BMPR1B: variants seen among roughly 807,000 people sequenced by gnomAD.
The protein encoded by BMPR1B is bone morphogenetic protein receptor type 1B.
Under a neutral mutation model 59.1 loss-of-function variants are expected in BMPR1B, and 12 were observed. The observed-to-expected ratio is 0.20, with a 90% CI of 0.13 to 0.33. BMPR1B has a LOEUF of 0.33. Ranked by LOEUF, BMPR1B falls within the 10% of genes least tolerant of loss-of-function variation. The pLI is 1.00. For missense variants in BMPR1B, 550 were observed against 610.9 expected (o/e 0.90, Z 1.05); for synonymous variants, 237 against 207.3 (o/e 1.14, Z -1.23).
At chr4:94,844,266 A>G (rs534618642) in intron 1 of BMPR1B, among the ~76,000 whole-genome samples, 1 of 91,802 alleles carries the variant, frequency 1.1e-5, no homozygotes, top group East Asian at 2.6e-4. Flanking sequence ...TGAATCTTCT[A>G]GTTCGACTCT....
chr4:95,147,105 T>A (rs992612486), intron 10 of BMPR1B, among the ~76,000 whole-genome samples: 2 of 152,150 alleles, frequency 1.3e-5, no homozygotes, highest in Non-Finnish European at 2.9e-5. Context: ...ACGTCTTAAC[T>A]TTTATTTAAG....
intron 2 of BMPR1B, among the ~76,000 whole-genome samples, chr4:94,881,544 C>T (rs1181320054): frequency 6.6e-6 from 1 of 152,022 alleles, no homozygotes. Context: ...CAGCTCACTG[C>T]AACCTCCACC....
At chr4:95,100,442 G>A (rs1730736372) in intron 3 of BMPR1B, among the ~76,000 whole-genome samples, 1 of 151,686 alleles carries the variant, frequency 6.6e-6, no homozygotes, top group Admixed American at 6.6e-5. Flanking sequence ...TATTTTTTAT[G>A]TCTTTTCTCT....
At chr4:95,152,192 A>T (rs538078881) in intron 11 of BMPR1B, among the ~76,000 whole-genome samples, 12 of 152,310 alleles carry the variant, frequency 7.9e-5, no homozygotes, top group African/African-American at 2.6e-4. Flanking sequence ...AAAAATGTAA[A>T]TCTGACATTT....
intron 3 of BMPR1B, among the ~76,000 whole-genome samples, chr4:95,047,008 G>C (rs1418739711): frequency 6.6e-6 from 1 of 152,178 alleles, no homozygotes. Flanking sequence ...CTGTAGTTAG[G>C]AGATTTGGGA....
At chr4:95,112,420 T>G (rs1731695065) in intron 4 of BMPR1B, among the ~76,000 whole-genome samples, 1 of 152,144 alleles carries the variant, frequency 6.6e-6, no homozygotes, top group Admixed American at 6.6e-5. Flanking sequence ...CTGCGGAACA[T>G]AGCTTTGTTT....
chr4:94,933,921 A>G (rs77175332), intron 2 of BMPR1B, among the ~76,000 whole-genome samples: 1,583 of 152,256 alleles, frequency 0.01, 16 homozygotes, highest in South Asian at 0.03. Context: ...AAATGCCTAC[A>G]CAGTACATAG....
intron 1 of BMPR1B, among the ~76,000 whole-genome samples, chr4:94,847,653 A>G (rs1408322609): frequency 1.3e-5 from 2 of 152,154 alleles, no homozygotes; most frequent in Non-Finnish European, 2.9e-5. Context: ...GTGGAACTGG[A>G]GGACATTATG....
intron 3 of BMPR1B, among the ~76,000 whole-genome samples, chr4:95,045,862 T>C (rs543560753): frequency 2.0e-5 from 3 of 152,224 alleles, no homozygotes; most frequent in Non-Finnish European, 2.9e-5. Flanking sequence ...ATATAGCAAA[T>C]AGTGAATGTT....
intron 1 of BMPR1B, among the ~76,000 whole-genome samples, chr4:94,864,919 G>C (rs1348479973): frequency 6.6e-6 from 1 of 152,134 alleles, no homozygotes; most frequent in Non-Finnish European, 1.5e-5. Context: ...TAATAGTTTA[G>C]TGGTTAAATG....
rs542067781 is a variant in BMPR1B at position 95,097,372 on chromosome 4, C to T, written c.-17-7036C>T. 3.4e-3 allele frequency among the ~76,000 whole-genome samples: 513 copies of T among 151,536 alleles called. 2 individuals are homozygous for T. The highest frequency in any genetic ancestry group is 5.4e-3 in the Non-Finnish European group (366 of 67,872). The stretch of plus-strand genomic sequence containing the variant: ...GAAATTTCCTGAAAGGGTAATTTTT[C>T]TCTGTTTTTTTCTTTATATTTTCTG... On this transcript the variant is annotated intron_variant, in intron 3 of 12. Coordinates refer to ENST00000515059, the MANE Select transcript of BMPR1B (RefSeq NM_001203.3).
intron 3 of BMPR1B, among the ~76,000 whole-genome samples, chr4:95,048,950 T>C (rs1386188123): frequency 6.6e-6 from 1 of 152,118 alleles, no homozygotes; most frequent in Non-Finnish European, 1.5e-5. Flanking sequence ...TGGAGGAAAT[T>C]AACAGGGATA....
At chr4:94,909,111 T>G (rs1331148512) in intron 2 of BMPR1B, among the ~76,000 whole-genome samples, 1 of 152,070 alleles carries the variant, frequency 6.6e-6, no homozygotes, top group African/African-American at 2.4e-5. Context: ...CACATGGCTT[T>G]CTTTATGTAT....
At chr4:94,876,019 T>C (rs2148973446) in intron 2 of BMPR1B, 119 bp downstream of exon 2, 1 of 152,752 alleles carries the variant, frequency 6.5e-6, no homozygotes, top group Non-Finnish European at 1.5e-5. Context: ...TTTTATAAGA[T>C]GAATGGAATC....
chr4:94,758,278 CG>C (rs1721605761), intron 1 of BMPR1B, among the ~76,000 whole-genome samples: 1 of 150,356 alleles, frequency 6.7e-6, no homozygotes, highest in Non-Finnish European at 1.5e-5. Flanking sequence ...GGCCGTGGGG[CG>C]GTGGCGGCGG....
intron 1 of BMPR1B, among the ~76,000 whole-genome samples, chr4:94,874,617 C>A (rs2148971452): frequency 6.6e-6 from 1 of 152,208 alleles, no homozygotes; most frequent in East Asian, 1.9e-4. Flanking sequence ...TTATCTTTTG[C>A]TTTCTATTTT....
At position 94,842,696 on chromosome 4, in the gene BMPR1B, G is replaced by A. The variant is rs111340931; in HGVS notation, c.-182-33135G>A. The stretch of plus-strand genomic sequence containing the variant: ...TACCCAAGGCCATTACATTTAGTCT[G>A]TGAATGTGTTTATTAGCTGTAATTG... On this transcript the variant is annotated intron_variant, in intron 1 of 12. Transcript: ENST00000515059. Among the ~76,000 whole-genome samples the A allele has an allele frequency of 2.1e-3, 321 of 152,208 alleles. 2 individuals carry two copies. The highest frequency in any genetic ancestry group is 3.7e-3 in the Admixed American group (57 of 15,298).
chr4:94,889,399 T>A (rs1727303277), intron 2 of BMPR1B, among the ~76,000 whole-genome samples: 1 of 152,096 alleles, frequency 6.6e-6, no homozygotes, highest in Admixed American at 6.6e-5. Context: ...GTTTTTCAGA[T>A]AAAGAAACGG....
chr4:95,087,178 C>T (rs888770606), intron 3 of BMPR1B, among the ~76,000 whole-genome samples: 1 of 151,900 alleles, frequency 6.6e-6, no homozygotes, highest in African/African-American at 2.4e-5. Context: ...CAGGTGTGTG[C>T]CACCACACCT....
Sources: allele counts gnomAD v4.1 joint callset (sites outside exome capture counted in the v4.1 genomes callset), GRCh38; gene constraint gnomAD v4.1.1; transcripts MANE v1.5; gene names NCBI Gene and HGNC (gene_info 2026-07-23, HGNC 2026-07-21).